Variants in TENM2 observed in about 807,000 individuals in gnomAD.
TENM2 encodes the protein teneurin-2.
A neutral mutation model predicts 245.2 loss-of-function variants in TENM2; 52 were observed. That is an observed-to-expected ratio of 0.21 (90% CI 0.17 to 0.27). The LOEUF (loss-of-function observed/expected upper bound fraction) is 0.27, where lower values mean the gene tolerates loss of function less well. TENM2 is among the 10% of genes least tolerant of loss of function. TENM2 has a pLI of 1.00. For missense variants in TENM2, 3,046 were observed against 3,666.8 expected, an observed-to-expected ratio of 0.83 and a Z score of 4.37; for synonymous variants, 1,363 against 1,438.9, an observed-to-expected ratio of 0.95 and a Z score of 1.19.
intron 2 of TENM2, among the ~76,000 whole-genome samples, chr5:167,478,990 A>ATATGTGTGTG (rs1554163338): frequency 0.17 from 24,977 of 151,228 alleles, 2,076 homozygotes; most frequent in Middle Eastern, 0.22. Context: ...CTTTATATAT[A>ATATGTGTGTG]TGTGTGTGTG....
chr5:168,080,611 A>G (rs1006912328), intron 7 of TENM2, among the ~76,000 whole-genome samples: 35 of 152,220 alleles, frequency 2.3e-4, no homozygotes, highest in African/African-American at 7.9e-4. Context: ...AGTGTGTCCC[A>G]GAGATTCTGG....
At chr5:167,189,594 A>G in the TENM2 span, among the ~76,000 whole-genome samples, 2 of 147,852 alleles carry the variant, frequency 1.4e-5, no homozygotes, top group Non-Finnish European at 1.5e-5. Context: ...TTAGAGAGAC[A>G]GTCTCGCCCT....
intron 2 of TENM2, among the ~76,000 whole-genome samples, chr5:167,621,576 C>T (rs1008842464): frequency 6.6e-6 from 1 of 152,086 alleles, no homozygotes; most frequent in African/African-American, 2.4e-5. Flanking sequence ...TAAGAACTTC[C>T]CCCTGATTGG....
At chr5:168,004,658 C>T (rs1035986535) in intron 5 of TENM2, among the ~76,000 whole-genome samples, 10 of 152,042 alleles carry the variant, frequency 6.6e-5, no homozygotes, top group African/African-American at 1.2e-4. Context: ...TTTGGTTTGA[C>T]TTTCAGGAAA....
At chr5:168,033,996 C>T (rs928115432) in intron 5 of TENM2, among the ~76,000 whole-genome samples, 2 of 149,464 alleles carry the variant, frequency 1.3e-5, no homozygotes, top group African/African-American at 5.0e-5. Context: ...CACTGCACTC[C>T]AGCCTGAGCA....
intron 2 of TENM2, among the ~76,000 whole-genome samples, chr5:167,686,109 A>G (rs557296935): frequency 5.3e-5 from 8 of 152,342 alleles, no homozygotes; most frequent in African/African-American, 1.9e-4. Context: ...ATAATAAGAC[A>G]GCGTGTATTG....
At chr5:167,533,896 C>T (rs1213005808) in intron 2 of TENM2, among the ~76,000 whole-genome samples, 1 of 152,186 alleles carries the variant, frequency 6.6e-6, no homozygotes, top group Non-Finnish European at 1.5e-5. Context: ...GTCCAACATA[C>T]TGGTTCTTAA....
the TENM2 span, among the ~76,000 whole-genome samples, chr5:167,138,790 T>C: frequency 6.6e-6 from 1 of 152,026 alleles, no homozygotes; most frequent in Non-Finnish European, 1.5e-5. Flanking sequence ...GCCTGGCTAA[T>C]TTTTGTGTTT....
rs560344331 is a variant in TENM2, at chr5:168,070,849, A to C, written c.1515+8584A>C. ...AAAGAAAGAAGAAAAAGAAAAAGAGAGGAAGGAAGGAAGGACGGGAGGGAA... is the reference window on the plus strand; with the variant it reads ...AAAGAAAGAAGAAAAAGAAAAAGAGCGGAAGGAAGGAAGGACGGGAGGGAA... On this transcript the variant is annotated intron_variant, in intron 7 of 28. Transcript: ENST00000518659. 1.7e-4 allele frequency among the ~76,000 whole-genome samples: 25 copies of C among 149,992 alleles called. No individual in the cohort carries two copies. In the East Asian group the frequency reaches 4.3e-3, roughly 26 times the overall value.
chr5:167,620,714 T>A (rs570113434), intron 2 of TENM2, among the ~76,000 whole-genome samples: 1 of 152,230 alleles, frequency 6.6e-6, no homozygotes, highest in East Asian at 1.9e-4. Flanking sequence ...CTTTCAATGC[T>A]CCAGAGAAGC....
At chr5:167,249,357 A>G in the TENM2 span, among the ~76,000 whole-genome samples, 1 of 152,170 alleles carries the variant, frequency 6.6e-6, no homozygotes, top group Non-Finnish European at 1.5e-5. Context: ...TGGCTATGCC[A>G]TTTAGCTAAT....
intron 1 of TENM2, among the ~76,000 whole-genome samples, chr5:167,291,508 T>G (rs1235088549): frequency 6.6e-6 from 1 of 152,252 alleles, no homozygotes; most frequent in Non-Finnish European, 1.5e-5. Context: ...TTTGGTAACA[T>G]CACTGGAAAG....
intron 1 of TENM2, among the ~76,000 whole-genome samples, chr5:167,349,236 G>T (rs1488906643): frequency 6.6e-6 from 1 of 152,158 alleles, no homozygotes; most frequent in Non-Finnish European, 1.5e-5. Flanking sequence ...CATGGTTGGT[G>T]CACGTCATCT....
At chr5:168,260,395 A>G in exon 28 of TENM2, 1 of 1,613,980 alleles carries the variant, frequency 6.2e-7, no homozygotes, top group Non-Finnish European at 8.5e-7. Context: ...CAGAGAGTCA[A>G]GCAAGTGAGA....
At chr5:167,347,282 A>G (rs1758521071) in intron 1 of TENM2, among the ~76,000 whole-genome samples, 1 of 152,202 alleles carries the variant, frequency 6.6e-6, no homozygotes, top group Non-Finnish European at 1.5e-5. Flanking sequence ...GGTAGAAGGC[A>G]CTATCTTTGT....
intron 2 of TENM2, among the ~76,000 whole-genome samples, chr5:167,853,032 A>T (rs1185718838): frequency 6.6e-6 from 1 of 151,892 alleles, no homozygotes; most frequent in East Asian, 1.9e-4. Flanking sequence ...CACTCCTGTA[A>T]TCCCAGCACT....
At chr5:167,352,705 A>C (rs868182670) in intron 1 of TENM2, among the ~76,000 whole-genome samples, 28 of 152,356 alleles carry the variant, frequency 1.8e-4, no homozygotes, top group Admixed American at 1.2e-3. Flanking sequence ...TTTTATAAAA[A>C]ATTTGGCAAT....
intron 1 of TENM2, among the ~76,000 whole-genome samples, chr5:167,364,683 T>C (rs1759933983): frequency 6.6e-6 from 1 of 151,986 alleles, no homozygotes; most frequent in African/African-American, 2.4e-5. Flanking sequence ...TAAGGCAAAA[T>C]AGACTTTAAG....
chr5:167,637,362 A>G (rs1779270354), intron 2 of TENM2, among the ~76,000 whole-genome samples: 1 of 152,228 alleles, frequency 6.6e-6, no homozygotes, highest in African/African-American at 2.4e-5. Flanking sequence ...AAGAAAATGC[A>G]TTCCAGGGAG....
Sources: gnomAD v4.1 joint callset for allele counts (sites outside exome capture counted in the v4.1 genomes callset) on GRCh38, gnomAD v4.1.1 for gene constraint, MANE v1.5 for transcripts, NCBI Gene and HGNC (gene_info 2026-07-23, HGNC 2026-07-21) for gene names.